CISD2: variants seen among roughly 807,000 people sequenced by gnomAD.
CISD2 encodes CDGSH iron sulfur domain 2, also known as CDGSH iron-sulfur domain-containing protein 2.
Under a neutral mutation model 12.9 loss-of-function variants are expected in CISD2, and 1 was observed. That is an observed-to-expected ratio of 0.08 (90% confidence interval 0.03 to 0.37). CISD2 has a LOEUF of 0.37. Ranked by LOEUF, CISD2 falls within the 10% of genes least tolerant of loss-of-function variation. CISD2 has a pLI of 0.99. For missense variants in CISD2, 97 were observed against 163.1 expected (o/e 0.59, Z 2.21); for synonymous variants, 50 against 60.6 (o/e 0.83, Z 0.81).
intron 1 of CISD2, among the ~76,000 whole-genome samples, chr4:102,884,316 T>C (rs2110399240): frequency 6.6e-6 from 1 of 152,366 alleles, no homozygotes; most frequent in Non-Finnish European, 1.5e-5. Context: ...TTATCTTTAA[T>C]GTTTATTAGC....
chr4:102,884,255 C>T (rs1733801607), intron 1 of CISD2, among the ~76,000 whole-genome samples: 1 of 152,212 alleles, frequency 6.6e-6, no homozygotes, highest in South Asian at 2.1e-4. Flanking sequence ...TTTAAGCTAA[C>T]ATAGTGTTAA....
chr4:102,881,194 G>T (rs1733712657), intron 1 of CISD2, among the ~76,000 whole-genome samples: 1 of 151,900 alleles, frequency 6.6e-6, no homozygotes, highest in African/African-American at 2.4e-5. Flanking sequence ...AATTGACAGA[G>T]AAATATTCTA....
intron 2 of CISD2, among the ~76,000 whole-genome samples, chr4:102,885,888 T>C (rs192723435): frequency 6.6e-6 from 1 of 152,342 alleles, no homozygotes; most frequent in Admixed American, 6.5e-5. Context: ...ATATGTAAAC[T>C]GCTTTAATAA....
At chr4:102,878,067 G>A (rs1002349597) in intron 1 of CISD2, among the ~76,000 whole-genome samples, 15 of 147,170 alleles carry the variant, frequency 1.0e-4, no homozygotes, top group African/African-American at 3.8e-4. Flanking sequence ...TTGGCTCCTT[G>A]TTACTTATGC....
intron 1 of CISD2, among the ~76,000 whole-genome samples, chr4:102,881,699 G>T (rs1349333025): frequency 6.6e-6 from 1 of 152,166 alleles, no homozygotes; most frequent in East Asian, 1.9e-4. Flanking sequence ...AGTAGATTAT[G>T]TTAAGACTTT....
At chr4:102,881,537 T>G (rs1181922870) in intron 1 of CISD2, among the ~76,000 whole-genome samples, 2 of 152,366 alleles carry the variant, frequency 1.3e-5, no homozygotes, top group East Asian at 3.9e-4. Context: ...AAATATCACT[T>G]GTACCCCATA....
chr4:102,870,108 G>T lies in CISD2; in HGVS notation c.103+921G>T, dbSNP rs566755951. Among the ~76,000 whole-genome samples the T allele has an allele frequency of 2.6e-5, 4 of 152,318 alleles. No individual in the cohort carries two copies. The South Asian group carries it at 8.3e-4, about 32-fold the overall frequency. ...CTAGGTTATCAGGGAGTGCAAACATGAATTAAGATAATTCTGAGGTAAATA... is the reference window on the plus strand; with the variant it reads ...CTAGGTTATCAGGGAGTGCAAACATTAATTAAGATAATTCTGAGGTAAATA... On this transcript the variant is annotated intron_variant, in intron 1 of 2. Transcript: ENST00000273986.
chr4:102,879,511 G>A (rs745332169), intron 1 of CISD2, among the ~76,000 whole-genome samples: 7 of 152,088 alleles, frequency 4.6e-5, no homozygotes, highest in South Asian at 2.1e-4. Flanking sequence ...GGCCAGGTGC[G>A]GTGGCTAATG....
At chr4:102,872,115 T>C (rs890226792) in intron 1 of CISD2, among the ~76,000 whole-genome samples, 1 of 152,184 alleles carries the variant, frequency 6.6e-6, no homozygotes, top group Non-Finnish European at 1.5e-5. Context: ...GAGTCTCTTT[T>C]GCCCACACTG....
Position 102,891,437 on chromosome 4 carries a change from T to C in CISD2, c.*4007T>C, listed in dbSNP as rs1734244893. On this transcript the variant is annotated 3_prime_UTR_variant, in exon 3 of 3. Coordinates refer to ENST00000273986, the MANE Select transcript of CISD2 (RefSeq NM_001008388.5). ...TTGAGACAATTTATAGGATTCTGCA[T>C]ACAACTGTCTCTGAGGACATCACTG... The C allele has an allele frequency of 6.6e-6, 1 of 152,218 alleles. No individual in the cohort carries two copies. The highest frequency in any genetic ancestry group is 2.4e-5 in the African/African-American group (1 of 41,448). The allele number at this position is 152,218 out of a possible 1,614,324, so 9.4% of individuals were successfully genotyped here.
rs930401383 is a variant in CISD2 at position 102,891,065 on chromosome 4, G to A, written c.*3635G>A. On this transcript the variant is annotated 3_prime_UTR_variant, in exon 3 of 3. Coordinates refer to ENST00000273986, the MANE Select transcript of CISD2 (RefSeq NM_001008388.5). ...AAATCATTGATAGATCCAGAACAAG[G>A]AAATGATGTATGTGTTTACATATTA... is the stretch of plus-strand genomic sequence containing the variant. 1.2e-4 allele frequency: 18 copies of A among 150,970 alleles called. 2 individuals carry two copies. The highest frequency in any genetic ancestry group is 4.0e-4 in the African/African-American group (16 of 40,434). 9.4% of individuals were successfully genotyped at this position (150,970 alleles called of 1,614,324 possible). A position where few individuals can be genotyped will look rare whatever the true frequency, so the allele number is the denominator to read the frequency against.
intron 1 of CISD2, among the ~76,000 whole-genome samples, chr4:102,884,458 C>A (rs867109692): frequency 8.3e-4 from 127 of 152,214 alleles, no homozygotes; most frequent in African/African-American, 3.0e-3. Flanking sequence ...CAGAAAAGAG[C>A]CCAGCAGAGG....
chr4:102,869,763 G>C (rs141644966), intron 1 of CISD2, among the ~76,000 whole-genome samples: 156 of 152,238 alleles, frequency 1.0e-3, no homozygotes, highest in African/African-American at 3.7e-3. Flanking sequence ...CCGTTTCTAC[G>C]GTCCCGGGGC....
chr4:102,888,537 A>AGTT lies in CISD2; in HGVS notation c.*1108_*1110dup, dbSNP rs1420129345. On this transcript the variant is annotated 3_prime_UTR_variant, in exon 3 of 3. Coordinates refer to ENST00000273986, the MANE Select transcript of CISD2 (RefSeq NM_001008388.5). ...TGTGTAAGGGTCAACTGTACAAAAA[A>AGTT]GTTTGTGAAATAAACGTACTGGAGA... The AGTT allele has an allele frequency of 1.3e-5, 2 of 152,256 alleles. No individual in the cohort carries two copies. The highest frequency in any genetic ancestry group is 3.8e-4 in the East Asian group (2 of 5,202). The allele number at this position is 152,256 out of a possible 1,614,324, so 9.4% of individuals were successfully genotyped here. A position where few individuals can be genotyped will look rare whatever the true frequency, so the allele number is the denominator to read the frequency against.
intron 1 of CISD2, among the ~76,000 whole-genome samples, chr4:102,877,644 A>G (rs1323841883): frequency 6.6e-6 from 1 of 152,178 alleles, no homozygotes; most frequent in African/African-American, 2.4e-5. Context: ...CCAACCCCAC[A>G]TTTCCCCTTT....
At chr4:102,886,034 A>G (rs1053586896) in intron 2 of CISD2, among the ~76,000 whole-genome samples, 24 of 152,336 alleles carry the variant, frequency 1.6e-4, no homozygotes, top group African/African-American at 5.8e-4. Context: ...TTTTTAATAC[A>G]GTATTGCTCA....
At position 102,892,204 on chromosome 4, in the gene CISD2, A is replaced by C. The variant is rs2110410826; in HGVS notation, c.*4774A>C. ...CTCCCAAGTAGCTGAGACTACAGTCATGCTTCATCATGCCCGGCTAATTTT... is the reference window on the plus strand; with the variant it reads ...CTCCCAAGTAGCTGAGACTACAGTCCTGCTTCATCATGCCCGGCTAATTTT... On this transcript the variant is annotated 3_prime_UTR_variant, in exon 3 of 3. Coordinates refer to ENST00000273986, the MANE Select transcript of CISD2 (RefSeq NM_001008388.5). 6.6e-6 allele frequency: 1 copy of C among 152,310 alleles called. No individual in the cohort carries two copies. Among genetic ancestry groups the C allele is most frequent in the East Asian group, 1.9e-4 (1 of 5,178 alleles). The allele number at this position is 152,310 out of a possible 1,614,324, so 9.4% of individuals were successfully genotyped here.
intron 1 of CISD2, among the ~76,000 whole-genome samples, chr4:102,871,915 T>C (rs1733460900): frequency 6.6e-6 from 1 of 151,842 alleles, no homozygotes; most frequent in Non-Finnish European, 1.5e-5. Flanking sequence ...GACTCTGCAT[T>C]CTTAGAAACC....
intron 2 of CISD2, among the ~76,000 whole-genome samples, chr4:102,886,490 CAAAAAAAAG>C (rs1057455414): frequency 6.9e-6 from 1 of 143,978 alleles, no homozygotes; most frequent in Non-Finnish European, 1.5e-5. Flanking sequence ...GACTGTCTCA[CAAAAAAAAG>C]AAAAAAAAGA....
Sources: gnomAD v4.1 joint callset for allele counts (sites outside exome capture counted in the v4.1 genomes callset) on GRCh38, gnomAD v4.1.1 for gene constraint, MANE v1.5 for transcripts, NCBI Gene and HGNC (gene_info 2026-07-23, HGNC 2026-07-21) for gene names.